PDE1C: variants seen among roughly 807,000 people sequenced by gnomAD.
PDE1C encodes dual specificity calcium/calmodulin-dependent 3',5'-cyclic nucleotide phosphodiesterase 1C.
A neutral mutation model predicts 93.1 loss-of-function variants in PDE1C; 62 were observed. The observed-to-expected ratio is 0.67, with a 90% CI of 0.54 to 0.82. The LOEUF (loss-of-function observed/expected upper bound fraction) is 0.82, where lower values mean the gene tolerates loss of function less well. Among genes scored for constraint, PDE1C ranks in the 40% least tolerant of loss-of-function variants. The probability of loss-of-function intolerance (pLI) is 0.00; values close to 1 mark genes in which losing one functional copy is unlikely to be tolerated. For synonymous variants in PDE1C, 325 were observed against 310.1 expected (o/e 1.05, Z -0.50); for missense variants, 742 against 884.6 (o/e 0.84, Z 2.04).
At chr7:31,657,594 T>C in the PDE1C span, among the ~76,000 whole-genome samples, 1 of 152,194 alleles carries the variant, frequency 6.6e-6, no homozygotes, top group African/African-American at 2.4e-5. Context: ...CTGCCAAGAA[T>C]AATGGCAAGA....
chr7:31,922,307 C>T (rs1225038584), intron 2 of PDE1C, among the ~76,000 whole-genome samples: 1 of 152,096 alleles, frequency 6.6e-6, no homozygotes, highest in Non-Finnish European at 1.5e-5. Flanking sequence ...AATCTCATTG[C>T]CCCTAGCAAG....
chr7:32,157,761 T>C (rs558066770), intron 3 of PDE1C, among the ~76,000 whole-genome samples: 1 of 152,268 alleles, frequency 6.6e-6, no homozygotes, highest in African/African-American at 2.4e-5. Context: ...GAAAAATGGA[T>C]AGATAGATGA....
chr7:31,812,649 T>C (rs1032828058), intron 15 of PDE1C, among the ~76,000 whole-genome samples: 1 of 152,196 alleles, frequency 6.6e-6, no homozygotes, highest in Non-Finnish European at 1.5e-5. Flanking sequence ...TTGTATATTA[T>C]CTGTGGCTGC....
At chr7:31,798,378 G>A (rs572412770) in intron 16 of PDE1C, among the ~76,000 whole-genome samples, 1 of 151,584 alleles carries the variant, frequency 6.6e-6, no homozygotes, top group Non-Finnish European at 1.5e-5. Flanking sequence ...CATATCCCGA[G>A]CTCCCAGATG....
intron 17 of PDE1C, among the ~76,000 whole-genome samples, chr7:31,764,375 AC>A (rs1283965738): frequency 6.6e-6 from 1 of 152,068 alleles, no homozygotes; most frequent in African/African-American, 2.4e-5. Context: ...CAAACTCCTG[AC>A]CGCGGTGATC....
intron 2 of PDE1C, among the ~76,000 whole-genome samples, chr7:31,989,655 C>G (rs1783914611): frequency 6.6e-6 from 1 of 152,132 alleles, no homozygotes; most frequent in Admixed American, 6.5e-5. Context: ...TCTCTTTTCC[C>G]TTTTATGAGA....
chr7:32,199,592 G>T lies in PDE1C; in HGVS notation c.136+9897C>A, dbSNP rs576074669. Among the ~76,000 whole-genome samples the T allele has an allele frequency of 3.9e-5, 6 of 152,192 alleles. 1 individual carries two copies. The highest frequency in any genetic ancestry group is 1.4e-4 in the African/African-American group (6 of 41,514). ...GTAAACTGTGTTTGGGTTTTGTTTT[G>T]TTGGGGTTTTATGCTATATTTTACA... On this transcript the variant is annotated intron_variant, in intron 2 of 18. Coordinates refer to the PDE1C transcript ENST00000396193.
chr7:32,123,248 A>G (rs1176669398), intron 3 of PDE1C, among the ~76,000 whole-genome samples: 1 of 152,164 alleles, frequency 6.6e-6, no homozygotes, highest in East Asian at 1.9e-4. Context: ...AAAGCCTAGT[A>G]CCACATGCAT....
intron 2 of PDE1C, among the ~76,000 whole-genome samples, chr7:32,008,111 C>T (rs1473141928): frequency 1.3e-5 from 2 of 152,184 alleles, no homozygotes; most frequent in Non-Finnish European, 2.9e-5. Flanking sequence ...TCTTCTATAA[C>T]CCTGTGGCTA....
At chr7:32,060,848 T>A (rs1794719424) in intron 1 of PDE1C, among the ~76,000 whole-genome samples, 1 of 152,192 alleles carries the variant, frequency 6.6e-6, no homozygotes, top group African/African-American at 2.4e-5. Flanking sequence ...AAGGCCTTAT[T>A]TATGAAAGTG....
chr7:31,907,856 G>T (rs1800784394), intron 2 of PDE1C, among the ~76,000 whole-genome samples: 1 of 151,740 alleles, frequency 6.6e-6, no homozygotes, highest in Non-Finnish European at 1.5e-5. Flanking sequence ...GAAATTACCT[G>T]GAAAGAGGTG....
At chr7:31,954,254 T>C (rs1016322855) in intron 2 of PDE1C, among the ~76,000 whole-genome samples, 1 of 152,156 alleles carries the variant, frequency 6.6e-6, no homozygotes, top group East Asian at 1.9e-4. Flanking sequence ...CCAAGAACCT[T>C]ATCTCTCTCT....
At chr7:32,100,863 A>G (rs1475322423) in intron 3 of PDE1C, among the ~76,000 whole-genome samples, 1 of 149,712 alleles carries the variant, frequency 6.7e-6, no homozygotes, top group Non-Finnish European at 1.5e-5. Context: ...GTGCCAGAGG[A>G]AAAAAAAAGA....
At chr7:31,962,099 T>C (rs1335680842) in intron 2 of PDE1C, among the ~76,000 whole-genome samples, 1 of 152,206 alleles carries the variant, frequency 6.6e-6, no homozygotes, top group Admixed American at 6.5e-5. Flanking sequence ...CTTCTAAATA[T>C]TCAAGAAACT....
At chr7:32,052,328 T>C (rs754775675) in intron 1 of PDE1C, 1 of 484,112 alleles carries the variant, frequency 2.1e-6, no homozygotes, top group Admixed American at 2.1e-5. Context: ...ATCTATCACA[T>C]GAAGCTAGTA....
rs181409584 is a variant in PDE1C, at chr7:32,284,992, T to C, written c.85+13659A>G. Among the ~76,000 whole-genome samples the C allele has an allele frequency of 1.1e-3, 157 of 146,734 alleles. 1 individual carries two copies. The highest frequency in any genetic ancestry group is 2.8e-3 in the South Asian group (13 of 4,688). Reference sequence around the variant, plus strand: ...TTGCAGTGAGCAGAGATCGTGCCACTGCACTCCAGCCTGGGCGACAGAGCG... The same window carrying C: ...TTGCAGTGAGCAGAGATCGTGCCACCGCACTCCAGCCTGGGCGACAGAGCG... On this transcript the variant is annotated intron_variant, in intron 1 of 18. Transcript: ENST00000396193.
intron 3 of PDE1C, among the ~76,000 whole-genome samples, chr7:32,077,091 G>A (rs1331232577): frequency 6.6e-6 from 1 of 152,046 alleles, no homozygotes; most frequent in Non-Finnish European, 1.5e-5. Context: ...AACACAAAAA[G>A]TAGCCAGGCG....
rs552055998 is a variant in PDE1C at position 32,084,329 on chromosome 7, C to A, written c.308+85456G>T. Among the ~76,000 whole-genome samples, 52 of 151,202 alleles carry A rather than the reference C, an allele frequency of 3.4e-4. 2 individuals carry two copies. In the South Asian group the frequency reaches 3.8e-3, roughly 11 times the overall value. ...ATCCTAAATATATATGCACCCAATA[C>A]AGGAGCACCCAGATTCATAAAGCAA... On this transcript the variant is annotated intron_variant, in intron 3 of 18. Coordinates refer to the PDE1C transcript ENST00000396193.
rs1210244468 is a variant in PDE1C at position 31,985,586 on chromosome 7, G to A, written c.128+65968C>T. 4.2e-5 allele frequency among the ~76,000 whole-genome samples: 6 copies of A among 142,384 alleles called. No homozygotes were observed. The South Asian group carries it at 7.6e-4, about 18-fold the overall frequency. 93.4% of individuals were successfully genotyped at this position (142,384 alleles called of 152,430 possible). A position where few individuals can be genotyped will look rare whatever the true frequency, so the allele number is the denominator to read the frequency against. Reference sequence around the variant, plus strand: ...ATCCCTCCCCCAACCCCCAGCCCCCGACAGGTCCCAGTGTGTGATGTTCCC... The same window carrying A: ...ATCCCTCCCCCAACCCCCAGCCCCCAACAGGTCCCAGTGTGTGATGTTCCC... On this transcript the variant is annotated intron_variant, in intron 2 of 17. Transcript: ENST00000396191.
Sources: allele counts gnomAD v4.1 joint callset (sites outside exome capture counted in the v4.1 genomes callset), GRCh38; gene constraint gnomAD v4.1.1; transcripts MANE v1.5; gene names NCBI Gene and HGNC (gene_info 2026-07-23, HGNC 2026-07-21).